Variants in EPS15 observed in about 807,000 individuals in gnomAD.
EPS15 encodes epidermal growth factor receptor substrate 15.
In EPS15, 72 loss-of-function variants were observed where a neutral mutation model predicts 113.8. That is an observed-to-expected ratio of 0.63 (90% CI 0.52 to 0.77). The LOEUF (loss-of-function observed/expected upper bound fraction) is 0.77, where lower values mean the gene tolerates loss of function less well. EPS15 is among the 30% of genes least tolerant of loss of function. EPS15 has a pLI of 0.00. For missense variants in EPS15, 1,048 were observed against 1,045.8 expected (o/e 1.00, Z -0.03); for synonymous variants, 344 against 363.4 (o/e 0.95, Z 0.61).
In EPS15 at chr1:51,408,005, T is replaced by C. The variant is rs1175927049; in HGVS notation, c.1473+130A>G. ...ATATAACAGGTGACAAAAAAACCTA[T>C]TGTATAAAATGACTGAAAAATGAAC... On this transcript the variant is annotated intron_variant, in intron 15 of 24. Transcript: ENST00000371733. The C allele has an allele frequency of 1.6e-5, 12 of 751,364 alleles. 1 individual carries two copies. Among genetic ancestry groups the C allele is most frequent in the South Asian group, 1.1e-4 (7 of 62,796 alleles). 46.5% of individuals were successfully genotyped at this position (751,364 alleles called of 1,614,324 possible).
At chr1:51,469,144 C>CA (rs1036577236) in intron 4 of EPS15, among the ~76,000 whole-genome samples, 11 of 143,570 alleles carry the variant, frequency 7.7e-5, no homozygotes, top group South Asian at 2.3e-4. Flanking sequence ...ACAGACAAAC[C>CA]AAAAAAAAAC....
intron 3 of EPS15, 59 bp from the exon 4 acceptor site, chr1:51,471,796 T>C (rs1226568239): frequency 8.2e-7 from 1 of 1,217,468 alleles, no homozygotes; most frequent in Non-Finnish European, 1.2e-6. Flanking sequence ...ATCTGAATGA[T>C]AAATTAAATC....
intron 21 of EPS15, among the ~76,000 whole-genome samples, chr1:51,377,518 G>T (rs966116945): frequency 3.9e-5 from 6 of 152,174 alleles, no homozygotes; most frequent in African/African-American, 1.4e-4. Context: ...CTACAGATAA[G>T]AAAGTGATTT....
rs144293917 is a variant in EPS15 at position 51,501,636 on chromosome 1, G to A, written c.33+17563C>T. ...TGGGATTACAGGTGTCTGCCACCAC[G>A]CCCAGCTAATTTTTGTGTTTTTAGT... On this transcript the variant is annotated intron_variant, in intron 1 of 24. Transcript: ENST00000371733. 7.3e-3 allele frequency among the ~76,000 whole-genome samples: 1,115 copies of A among 151,722 alleles called. 13 individuals are homozygous for A. Among genetic ancestry groups the A allele is most frequent in the African/African-American group, 0.026 (1,071 of 41,398 alleles).
chr1:51,395,551 G>A (rs886222749), intron 20 of EPS15, among the ~76,000 whole-genome samples: 3 of 151,742 alleles, frequency 2.0e-5, no homozygotes, highest in Non-Finnish European at 4.4e-5. Context: ...TATACACAAA[G>A]ATAGCTTTTT....
chr1:51,422,694 G>T (rs1650870708), intron 12 of EPS15, among the ~76,000 whole-genome samples: 1 of 152,242 alleles, frequency 6.6e-6, no homozygotes, highest in African/African-American at 2.4e-5. Context: ...CTGCCCATTT[G>T]TAGTTGTACT....
At chr1:51,489,271 T>C (rs982807376) in intron 1 of EPS15, among the ~76,000 whole-genome samples, 2 of 148,070 alleles carry the variant, frequency 1.4e-5, no homozygotes, top group Admixed American at 1.4e-4. Context: ...TTTTACAAAG[T>C]ATAGCCTAGT....
At chr1:51,464,997 T>C (rs772298769) in intron 6 of EPS15, among the ~76,000 whole-genome samples, 1 of 152,256 alleles carries the variant, frequency 6.6e-6, no homozygotes, top group Non-Finnish European at 1.5e-5. Flanking sequence ...GTAAACTATC[T>C]TTTAATCAAA....
In EPS15 at chr1:51,356,827, A is replaced by C; in HGVS notation, c.2564T>G (p.Met855Arg). The stretch of plus-strand genomic sequence containing the variant: ...ACTTTCCCTCTTGGCCCATTCGATC[A>C]TATCTTCTTCAGAGGGATACTGCCA... ...NFSAYPSEED[M>R]IEWAKRESER... The change falls in exon 25 of 25, where the codon ATG (methionine) becomes AGG (arginine). Residue 855 changes from methionine to arginine, a missense_variant. Physicochemically the swap from Met to Arg is moderately conservative, Grantham distance 91. Coordinates refer to ENST00000371733, the MANE Select transcript of EPS15 (RefSeq NM_001981.3). 6.2e-7 allele frequency: 1 copy of C among 1,613,334 alleles called. No individual in the cohort carries two copies. Among genetic ancestry groups the C allele is most frequent in the Non-Finnish European group, 8.5e-7 (1 of 1,179,664 alleles).
At chr1:51,374,652 G>T (rs1046761636) in intron 21 of EPS15, among the ~76,000 whole-genome samples, 8 of 152,254 alleles carry the variant, frequency 5.3e-5, no homozygotes, top group African/African-American at 1.4e-4. Flanking sequence ...TTCTAAATTT[G>T]CTTTCCTTAG....
chr1:51,430,455 C>A (rs1376477512), intron 12 of EPS15, among the ~76,000 whole-genome samples: 2 of 151,524 alleles, frequency 1.3e-5, no homozygotes, highest in Non-Finnish European at 2.9e-5. Flanking sequence ...TTAATCCCAG[C>A]TACCTGAGAG....
chr1:51,446,718 G>C (rs1354780543), intron 10 of EPS15, among the ~76,000 whole-genome samples: 3 of 152,098 alleles, frequency 2.0e-5, no homozygotes, highest in Non-Finnish European at 4.4e-5. Flanking sequence ...GCCTCCCAAA[G>C]TGCTGGGATT....
intron 21 of EPS15, among the ~76,000 whole-genome samples, chr1:51,387,499 G>T (rs1458300156): frequency 2.0e-5 from 3 of 152,040 alleles, no homozygotes; most frequent in African/African-American, 4.8e-5. Flanking sequence ...TGGACTAAAT[G>T]CTCCAATTAA....
At chr1:51,512,502 CA>C (rs1349105752) in intron 1 of EPS15, among the ~76,000 whole-genome samples, 1 of 151,676 alleles carries the variant, frequency 6.6e-6, no homozygotes, top group Non-Finnish European at 1.5e-5. Flanking sequence ...AAAAAAAATT[CA>C]GAGAAAAAAA....
intron 22 of EPS15, among the ~76,000 whole-genome samples, chr1:51,364,839 A>G (rs575332929): frequency 6.7e-6 from 1 of 149,256 alleles, no homozygotes; most frequent in African/African-American, 2.6e-5. Context: ...CCATAAAAGG[A>G]TAATTTTTTT....
At chr1:51,383,853 C>T (rs1407904488) in intron 21 of EPS15, among the ~76,000 whole-genome samples, 1 of 152,102 alleles carries the variant, frequency 6.6e-6, no homozygotes, top group Non-Finnish European at 1.5e-5. Flanking sequence ...AAAGATTCCA[C>T]CAAAAAACAA....
chr1:51,446,497 A>AGGCT (rs1258249434), intron 10 of EPS15, among the ~76,000 whole-genome samples: 2 of 141,022 alleles, frequency 1.4e-5, no homozygotes, highest in Non-Finnish European at 3.0e-5. Context: ...CTTGTTGCCC[A>AGGCT]GGCTGGAGTG....
At chr1:51,411,696 G>A (rs4278397) in intron 13 of EPS15, among the ~76,000 whole-genome samples, 22 of 152,154 alleles carry the variant, frequency 1.4e-4, no homozygotes, top group African/African-American at 4.3e-4. Flanking sequence ...TCATTAACCC[G>A]TCAGGAAACA....
In EPS15 at chr1:51,445,055, TAAAC is replaced by T. The variant is rs1652903944; in HGVS notation, c.798-14_798-11del. 2 of 1,609,090 alleles carry T rather than the reference TAAAC, an allele frequency of 1.2e-6. No individual in the cohort carries two copies. The highest frequency in any genetic ancestry group is 1.3e-5 in the African/African-American group (1 of 74,798). ...TGTGTCGCATAATGACCTGCACAAATAAACAAAATGAATGGTATGTAAGTGCCAC... is the reference window on the plus strand; with the variant it reads ...TGTGTCGCATAATGACCTGCACAAATAAAATGAATGGTATGTAAGTGCCAC... On this transcript the variant is annotated splice_polypyrimidine_tract_variant and intron_variant, in intron 10 of 24. Transcript: ENST00000371733.
Sources: gnomAD v4.1 joint callset for allele counts (sites outside exome capture counted in the v4.1 genomes callset) on GRCh38, gnomAD v4.1.1 for gene constraint, MANE v1.5 for transcripts, NCBI Gene and HGNC (gene_info 2026-07-23, HGNC 2026-07-21) for gene names.